Variants in HUNK observed in about 807,000 individuals in gnomAD.
The protein encoded by HUNK is hormonally up-regulated neu tumor-associated kinase.
In HUNK, 21 loss-of-function variants were observed where a neutral mutation model predicts 61.0. That is an observed-to-expected ratio of 0.34 (90% CI 0.24 to 0.50). The LOEUF (loss-of-function observed/expected upper bound fraction) is 0.50, where lower values mean the gene tolerates loss of function less well. Ranked by LOEUF, HUNK falls within the 20% of genes least tolerant of loss-of-function variation. The probability of loss-of-function intolerance (pLI) is 0.98; values close to 1 mark genes in which losing one functional copy is unlikely to be tolerated. For missense variants in HUNK, 772 were observed against 945.7 expected (o/e 0.82, Z 2.41); for synonymous variants, 371 against 386.1 (o/e 0.96, Z 0.46).
chr21:31,933,908 C>G (rs921202721), intron 2 of HUNK, among the ~76,000 whole-genome samples: 2 of 152,004 alleles, frequency 1.3e-5, no homozygotes, highest in African/African-American at 4.8e-5. Flanking sequence ...AGAAGTTAAT[C>G]AGATCAAGGA....
chr21:31,890,277 G>A (rs906923543), intron 1 of HUNK, among the ~76,000 whole-genome samples: 1 of 150,920 alleles, frequency 6.6e-6, no homozygotes, highest in Admixed American at 6.6e-5. Flanking sequence ...TGCTCAGGCT[G>A]GAGTGCAACG....
At chr21:31,909,955 G>A (rs746753841) in intron 1 of HUNK, among the ~76,000 whole-genome samples, 11 of 152,110 alleles carry the variant, frequency 7.2e-5, no homozygotes, top group Non-Finnish European at 1.6e-4. Flanking sequence ...GCCGGGAGCC[G>A]GGAGCCCTCA....
chr21:31,952,108 G>T (rs772055520), intron 4 of HUNK, among the ~76,000 whole-genome samples: 1 of 151,940 alleles, frequency 6.6e-6, no homozygotes. Flanking sequence ...TTTGAAATCC[G>T]CAAGAAAATA....
chr21:31,974,623 G>C lies in HUNK; in HGVS notation c.1079G>C (p.Ser360Thr). 6.2e-7 allele frequency: 1 copy of C among 1,613,854 alleles called. No individual in the cohort carries two copies. Among genetic ancestry groups the C allele is most frequent in the Admixed American group, 1.7e-5 (1 of 59,972 alleles). Residue 360 changes from serine (S) to threonine (T), a missense_variant, in exon 7 of 11, where the codon AGC (serine) becomes ACC (threonine). Physicochemically the swap from Ser to Thr is moderately conservative, Grantham distance 58. Around this residue, in one of 2 missense-constraint regions of HUNK, gnomAD observed 359 missense variants for 501.3 expected, o/e 0.72. Transcript: ENST00000270112. ...HMTEKLGYKN[S>T]DVINTVLSNR... Reference sequence around the variant, plus strand: ...ACCGAGAAGCTGGGTTACAAGAACAGCGACGTGATCAACACTGTGCTCTCC... The same window carrying C: ...ACCGAGAAGCTGGGTTACAAGAACACCGACGTGATCAACACTGTGCTCTCC...
intron 2 of HUNK, among the ~76,000 whole-genome samples, chr21:31,926,077 C>G (rs950935599): frequency 6.6e-6 from 1 of 152,156 alleles, no homozygotes; most frequent in South Asian, 2.1e-4. Context: ...TGCCACAACG[C>G]CCGGCTAATT....
intron 5 of HUNK, among the ~76,000 whole-genome samples, chr21:31,967,394 G>A (rs370502943): frequency 6.6e-6 from 1 of 151,970 alleles, no homozygotes; most frequent in Admixed American, 6.6e-5. Flanking sequence ...AAAATAAAAG[G>A]CTTCGTGTGC....
chr21:31,980,540 G>A (rs1009052625), intron 7 of HUNK, among the ~76,000 whole-genome samples: 2 of 151,614 alleles, frequency 1.3e-5, no homozygotes, highest in Non-Finnish European at 2.9e-5. Flanking sequence ...GCCACCACAC[G>A]TGGCTAATTT....
At chr21:31,958,111 C>T (rs1218972201) in intron 4 of HUNK, among the ~76,000 whole-genome samples, 4 of 152,074 alleles carry the variant, frequency 2.6e-5, no homozygotes, top group African/African-American at 9.7e-5. Flanking sequence ...CCAGGTGTTT[C>T]TTACATTGCT....
chr21:31,944,205 G>C (rs1296618751), intron 3 of HUNK, among the ~76,000 whole-genome samples: 1 of 152,186 alleles, frequency 6.6e-6, no homozygotes, highest in East Asian at 1.9e-4. Flanking sequence ...TCAGCCTCCC[G>C]AGTAGCTGGG....
intron 2 of HUNK, among the ~76,000 whole-genome samples, chr21:31,932,911 CT>C (rs779361324): frequency 0.06 from 7,889 of 130,566 alleles, 202 homozygotes; most frequent in African/African-American, 0.079. Flanking sequence ...TGCCTTCTTC[CT>C]TTTTTTTTTT....
At chr21:31,942,772 GC>G (rs1012045115) in intron 3 of HUNK, among the ~76,000 whole-genome samples, 24 of 152,284 alleles carry the variant, frequency 1.6e-4, no homozygotes, top group Middle Eastern at 3.4e-3. Flanking sequence ...TAGAAAGCAG[GC>G]AGTGACCATT....
Position 31,896,210 on chromosome 21 carries a change from A to G in HUNK, c.261+22275A>G, listed in dbSNP as rs142660043. ...TTCTGTTGTTGGAGCTGCCCAGTCT[A>G]TAATCCTTTGTTTTGGCAGCCCGGG... On this transcript the variant is annotated intron_variant, in intron 1 of 10. Transcript: ENST00000270112. 6.7e-3 allele frequency among the ~76,000 whole-genome samples: 1,025 copies of G among 152,308 alleles called. 12 individuals carry two copies. Among genetic ancestry groups the G allele is most frequent in the South Asian group, 0.037 (178 of 4,820 alleles).
At chr21:31,894,495 T>A (rs1185343858) in intron 1 of HUNK, among the ~76,000 whole-genome samples, 1 of 152,176 alleles carries the variant, frequency 6.6e-6, no homozygotes, top group Non-Finnish European at 1.5e-5. Context: ...AGATGATCAT[T>A]TGTTTTGTCA....
intron 1 of HUNK, among the ~76,000 whole-genome samples, chr21:31,914,640 C>A (rs919567815): frequency 1.6e-4 from 25 of 152,092 alleles, no homozygotes; most frequent in Admixed American, 9.8e-4. Flanking sequence ...AGTCTGAGAT[C>A]AAGGTGCCAG....
intron 2 of HUNK, among the ~76,000 whole-genome samples, chr21:31,930,653 G>A (rs911890760): frequency 6.6e-6 from 1 of 152,212 alleles, no homozygotes; most frequent in Non-Finnish European, 1.5e-5. Context: ...AGCCCAGTGG[G>A]CACACAGTAA....
At chr21:31,974,386 T>C in intron 6 of HUNK, 169 bp from the exon 7 acceptor site, 1 of 566,246 alleles carries the variant, frequency 1.8e-6, no homozygotes, top group Non-Finnish European at 3.0e-6. Context: ...ATACATAAAG[T>C]GATTGTACTA....
intron 1 of HUNK, among the ~76,000 whole-genome samples, chr21:31,886,837 AGTCAGGCTG>A (rs2052350138): frequency 6.6e-6 from 1 of 151,996 alleles, no homozygotes. Context: ...GTAGAAACGG[AGTCAGGCTG>A]GTCAGGCTGG....
intron 5 of HUNK, among the ~76,000 whole-genome samples, chr21:31,966,456 C>A (rs139794940): frequency 6.6e-6 from 1 of 152,260 alleles, no homozygotes; most frequent in Non-Finnish European, 1.5e-5. Flanking sequence ...GTAGAGACTA[C>A]CCACTATTGA....
At chr21:31,914,647 C>A (rs2052569795) in intron 1 of HUNK, among the ~76,000 whole-genome samples, 1 of 152,024 alleles carries the variant, frequency 6.6e-6, no homozygotes. Context: ...GATCAAGGTG[C>A]CAGCGGGGTT....
Sources: gnomAD v4.1 joint callset for allele counts (sites outside exome capture counted in the v4.1 genomes callset) on GRCh38, gnomAD v4.1.1 for gene constraint, gnomAD v4.1.1 regional missense constraint, MANE v1.5 for transcripts, NCBI Gene and HGNC (gene_info 2026-07-23, HGNC 2026-07-21) for gene names.